CNGA1: variants seen among roughly 807,000 people sequenced by gnomAD.
The protein encoded by CNGA1 is cyclic nucleotide gated channel subunit alpha 1.
In CNGA1, 53 loss-of-function variants were observed where a neutral mutation model predicts 69.7. The ratio of observed to expected loss-of-function variants is 0.76; its 90% CI spans 0.61 to 0.96. The LOEUF (loss-of-function observed/expected upper bound fraction) is 0.96, where lower values mean the gene tolerates loss of function less well. Among genes scored for constraint, CNGA1 ranks in the 40% least tolerant of loss-of-function variants. The pLI is 0.00. For synonymous variants in CNGA1, 249 were observed against 283.5 expected (o/e 0.88, Z 1.22); for missense variants, 739 against 811.2 (o/e 0.91, Z 1.08).
At chr4:48,002,501 G>A (rs1180094766) in intron 2 of CNGA1, among the ~76,000 whole-genome samples, 3 of 151,902 alleles carry the variant, frequency 2.0e-5, no homozygotes, top group African/African-American at 7.3e-5. Context: ...TAGGTCAGGG[G>A]TTTTTCAAAG....
intron 3 of CNGA1, among the ~76,000 whole-genome samples, chr4:47,959,871 G>T (rs1343279239): frequency 1.3e-5 from 2 of 152,150 alleles, no homozygotes; most frequent in Non-Finnish European, 2.9e-5. Context: ...CTCCCAAAGT[G>T]CTGGGATTAC....
intron 6 of CNGA1, among the ~76,000 whole-genome samples, chr4:47,947,265 A>G (rs1426757450): frequency 6.6e-6 from 1 of 152,220 alleles, no homozygotes; most frequent in Non-Finnish European, 1.5e-5. Flanking sequence ...GATGCAAGCC[A>G]AAATGGTCTG....
At position 47,939,970 on chromosome 4, in the gene CNGA1, T is replaced by G. The variant is rs565014196; in HGVS notation, c.652+793A>C. On this transcript the variant is annotated intron_variant, in intron 10 of 10. Coordinates refer to ENST00000514170, the MANE Select transcript of CNGA1 (RefSeq NM_001379270.1). The stretch of plus-strand genomic sequence containing the variant: ...TTACCCCTTCGATGTGAAGCATAAG[T>G]GTCCTTTGAGGCTGCATTTTCATCT... Among the ~76,000 whole-genome samples, 5 of 152,322 alleles carry G rather than the reference T, an allele frequency of 3.3e-5. No homozygotes were observed. The South Asian group carries it at 1.0e-3, about 32-fold the overall frequency.
chr4:47,943,483 A>T, intron 6 of CNGA1, 71 bp from the exon 7 acceptor site: 1 of 997,822 alleles, frequency 1.0e-6, no homozygotes, highest in Non-Finnish European at 1.4e-6. Context: ...TTTTTCATTG[A>T]GCAAAAATCT....
At chr4:47,990,333 AG>A (rs1364375402) in intron 2 of CNGA1, among the ~76,000 whole-genome samples, 1 of 152,116 alleles carries the variant, frequency 6.6e-6, no homozygotes. Context: ...GGAGGTCTAT[AG>A]ATGGCCACTC....
chr4:47,974,107 GATA>G (rs1741211044), intron 3 of CNGA1, among the ~76,000 whole-genome samples: 3 of 148,086 alleles, frequency 2.0e-5, no homozygotes, highest in Admixed American at 2.0e-4. Context: ...TAGATAGATA[GATA>G]GATAGATAGA....
intron 8 of CNGA1, chr4:47,942,980 T>C (rs1413290521): frequency 2.1e-6 from 1 of 470,468 alleles, no homozygotes; most frequent in Non-Finnish European, 3.7e-6. Context: ...CCATTGCTAA[T>C]TTTAGGGAAA....
intron 3 of CNGA1, among the ~76,000 whole-genome samples, chr4:47,976,190 CAT>C (rs1328507982): frequency 3.2e-5 from 1 of 31,216 alleles, no homozygotes; most frequent in Non-Finnish European, 5.8e-5. Context: ...TATATATATA[CAT>C]ATATATGTAT....
chr4:47,972,956 A>T (rs1741122922), intron 3 of CNGA1, among the ~76,000 whole-genome samples: 1 of 152,156 alleles, frequency 6.6e-6, no homozygotes, highest in Admixed American at 6.6e-5. Flanking sequence ...GCTCACATAT[A>T]GGTTGTATTA....
chr4:47,991,513 GTT>G (rs139322108), intron 2 of CNGA1, among the ~76,000 whole-genome samples: 3,613 of 152,108 alleles, frequency 0.024, 136 homozygotes, highest in African/African-American at 0.082. Context: ...TGATGGAATT[GTT>G]TGTTTTTTTC....
intron 3 of CNGA1, among the ~76,000 whole-genome samples, chr4:47,953,686 T>C (rs1265658186): frequency 6.6e-6 from 1 of 152,230 alleles, no homozygotes; most frequent in African/African-American, 2.4e-5. Context: ...GCACAGGCCA[T>C]GCCCCTTTGG....
chr4:47,945,433 C>G (rs1442070042), intron 6 of CNGA1, among the ~76,000 whole-genome samples: 1 of 152,124 alleles, frequency 6.6e-6, no homozygotes, highest in South Asian at 2.1e-4. Context: ...GATCACTATA[C>G]TCTGGGGGAA....
chr4:47,980,277 C>T (rs969795387), intron 3 of CNGA1, among the ~76,000 whole-genome samples: 14 of 151,940 alleles, frequency 9.2e-5, no homozygotes, highest in African/African-American at 2.9e-4. Context: ...ATGTAAAAAG[C>T]CCGTTTTAAG....
At chr4:47,950,357 T>A (rs1739666262) in intron 5 of CNGA1, among the ~76,000 whole-genome samples, 1 of 152,238 alleles carries the variant, frequency 6.6e-6, no homozygotes. Context: ...ACTTTGCTCC[T>A]CCTTTGCCTT....
chr4:48,007,424 G>C (rs577946080), intron 2 of CNGA1, among the ~76,000 whole-genome samples: 1 of 152,194 alleles, frequency 6.6e-6, no homozygotes, highest in East Asian at 1.9e-4. Flanking sequence ...ATAGTCCCTG[G>C]AATTTGAGGC....
At chr4:47,983,518 A>G (rs1403278490) in intron 2 of CNGA1, among the ~76,000 whole-genome samples, 1 of 151,230 alleles carries the variant, frequency 6.6e-6, no homozygotes, top group African/African-American at 2.4e-5. Context: ...TGAACCCAGG[A>G]GGCAGAGGTT....
chr4:47,975,569 TAA>T (rs1334334100), intron 3 of CNGA1, among the ~76,000 whole-genome samples: 4 of 152,140 alleles, frequency 2.6e-5, no homozygotes, highest in Non-Finnish European at 5.9e-5. Flanking sequence ...CAAAGTGATA[TAA>T]GAGTGTTTTA....
At chr4:47,958,698 T>C (rs1431514611) in intron 3 of CNGA1, among the ~76,000 whole-genome samples, 1 of 152,066 alleles carries the variant, frequency 6.6e-6, no homozygotes, top group Admixed American at 6.5e-5. Flanking sequence ...CCCATAGTTC[T>C]GTGCGTCTAC....
intron 1 of CNGA1, among the ~76,000 whole-genome samples, chr4:48,016,129 T>C (rs1291662586): frequency 6.6e-6 from 1 of 152,228 alleles, no homozygotes; most frequent in Non-Finnish European, 1.5e-5. Flanking sequence ...GCATTGCTTT[T>C]CCCTTAAAGG....
Sources: allele counts gnomAD v4.1 joint callset (sites outside exome capture counted in the v4.1 genomes callset), GRCh38; gene constraint gnomAD v4.1.1; transcripts MANE v1.5; gene names NCBI Gene and HGNC (gene_info 2026-07-23, HGNC 2026-07-21).